SPATA13: variants seen among roughly 807,000 people sequenced by gnomAD.
The protein encoded by SPATA13 is spermatogenesis associated 13, also known as spermatogenesis-associated protein 13.
A neutral mutation model predicts 104.0 loss-of-function variants in SPATA13; 50 were observed. The observed-to-expected ratio is 0.48, with a 90% CI of 0.38 to 0.61. The LOEUF is 0.61. Ranked by LOEUF, SPATA13 falls within the 20% of genes least tolerant of loss-of-function variation. The pLI, the probability that SPATA13 is intolerant of heterozygous loss-of-function variation, is 0.00. For missense variants in SPATA13, 1,524 were observed against 1,690.6 expected, an observed-to-expected ratio of 0.90 and a Z score of 1.73; for synonymous variants, 606 against 667.5, an observed-to-expected ratio of 0.91 and a Z score of 1.42.
intron 3 of SPATA13, among the ~76,000 whole-genome samples, chr13:24,042,906 T>C (rs1877985868): frequency 6.6e-6 from 1 of 152,222 alleles, no homozygotes; most frequent in African/African-American, 2.4e-5. Context: ...CTACTGTCTG[T>C]TTAGATTTAC....
intron 1 of SPATA13, among the ~76,000 whole-genome samples, chr13:24,218,059 C>T (rs1871355774): frequency 1.3e-5 from 2 of 152,236 alleles, no homozygotes; most frequent in East Asian, 3.8e-4. Context: ...TAGCTCAGCC[C>T]TGCTGGAGGG....
chr13:24,280,983 C>G lies in SPATA13; in HGVS notation c.2165-3152C>G, dbSNP rs575481653. Among the ~76,000 whole-genome samples the G allele has an allele frequency of 2.4e-3, 372 of 152,312 alleles. 1 individual carries two copies. Among genetic ancestry groups the G allele is most frequent in the Non-Finnish European group, 2.6e-3 (177 of 68,020 alleles). ...TCTCAGACAGCACATGTCTGGCTTT[C>G]TCAAGGCCTCCAGCCACACCCCCAG... On this transcript the variant is annotated intron_variant, in intron 4 of 12. Coordinates refer to ENST00000382108, the MANE Select transcript of SPATA13 (RefSeq NM_001166271.3).
At chr13:24,020,229 T>C (rs1049831781) in intron 3 of SPATA13, among the ~76,000 whole-genome samples, 1 of 152,254 alleles carries the variant, frequency 6.6e-6, no homozygotes, top group African/African-American at 2.4e-5. Flanking sequence ...CTTAGTTCCT[T>C]GTTTTAAACT....
intron 1 of SPATA13, among the ~76,000 whole-genome samples, chr13:24,217,517 C>T (rs1871321937): frequency 1.3e-5 from 2 of 152,156 alleles, no homozygotes; most frequent in African/African-American, 2.4e-5. Context: ...AAGGCTTCTG[C>T]CTATAGAGAA....
Position 24,224,277 on chromosome 13 carries a change from G to T in SPATA13, c.1348G>T (p.Gly450Cys), listed in dbSNP as rs1252552737. ...LSKDSCDPNAGSQLTFDPEQP... is the reference protein window; with the variant it reads ...LSKDSCDPNACSQLTFDPEQP... ...CAAAGACTCCTGTGACCCAAACGCT[G>T]GCAGCCAGTTGACATTTGACCCTGA... The change falls in exon 2 of 13, where the codon GGC becomes TGC. Residue 450 changes from glycine (G) to cysteine (C), a missense_variant. Transcript: ENST00000382108. The T allele has an allele frequency of 6.4e-7, 1 of 1,551,610 alleles. No homozygotes were observed. The highest frequency in any genetic ancestry group is 1.2e-5 in the South Asian group (1 of 84,070).
Position 24,047,136 on chromosome 13 carries a change from A to T in SPATA13, c.-112+29435A>T, listed in dbSNP as rs566014337. On this transcript the variant is annotated intron_variant, in intron 3 of 14. Transcript: ENST00000424834. Reference sequence around the variant, plus strand: ...ACCTCAAGGCGGGGTCCACAGGACTAGTTGAGTCATGAGTCACGGGTCAGG... The same window carrying T: ...ACCTCAAGGCGGGGTCCACAGGACTTGTTGAGTCATGAGTCACGGGTCAGG... Among the ~76,000 whole-genome samples the T allele has an allele frequency of 2.0e-5, 3 of 152,300 alleles. No individual in the cohort carries two copies. In the South Asian group the frequency reaches 6.2e-4, roughly 32 times the overall value.
chr13:23,981,322 T>C (rs1400975678), intron 1 of SPATA13, among the ~76,000 whole-genome samples: 2 of 152,232 alleles, frequency 1.3e-5, no homozygotes, highest in East Asian at 1.9e-4. Flanking sequence ...GCAGTTTTTT[T>C]GTAGCTACAA....
At position 24,302,760 on chromosome 13, in the gene SPATA13, C is replaced by G. The variant is rs376254629; in HGVS notation, c.3821C>G (p.Pro1274Arg). The G allele has an allele frequency of 5.6e-6, 9 of 1,614,072 alleles. No homozygotes were observed. The highest frequency in any genetic ancestry group is 5.0e-5 in the Admixed American group (3 of 60,008). Residue 1274 changes from proline (P) to arginine (R), a missense_variant, in exon 13 of 13, where the codon CCC becomes CGC. Physicochemically the swap from Pro to Arg is moderately radical, Grantham distance 103. Transcript: ENST00000382108. ...TGGCACACCTTCAACAGGCTCACCC[C>G]CTTCCGGAAATGAAAACAGGAGGCT... ...LFWHTFNRLTPFRK is the reference protein window; with the variant it reads ...LFWHTFNRLTRFRK
intron 1 of SPATA13, among the ~76,000 whole-genome samples, chr13:24,185,752 G>C (rs1400973103): frequency 6.7e-6 from 1 of 149,462 alleles, no homozygotes; most frequent in Non-Finnish European, 1.5e-5. Context: ...CCCTGTGTTA[G>C]TCAGGGTTCT....
At chr13:24,296,306 G>T (rs760149798) in intron 10 of SPATA13, among the ~76,000 whole-genome samples, 1 of 152,160 alleles carries the variant, frequency 6.6e-6, no homozygotes, top group Non-Finnish European at 1.5e-5. Flanking sequence ...TTGGAGTCAG[G>T]CTCTTTTGCC....
intron 2 of SPATA13, among the ~76,000 whole-genome samples, chr13:24,226,093 A>C (rs373830605): frequency 1.3e-5 from 2 of 152,208 alleles, no homozygotes; most frequent in South Asian, 2.1e-4. Context: ...AGAATGGAGG[A>C]AGTGCATGCT....
intron 3 of SPATA13, among the ~76,000 whole-genome samples, chr13:24,057,250 A>G (rs1878597537): frequency 7.8e-6 from 1 of 128,356 alleles, no homozygotes; most frequent in Non-Finnish European, 1.7e-5. Context: ...ACCCCACAAC[A>G]GTCCCCGGAG....
chr13:24,127,313 C>T (rs1008962112), intron 3 of SPATA13, among the ~76,000 whole-genome samples: 1 of 152,152 alleles, frequency 6.6e-6, no homozygotes, highest in East Asian at 1.9e-4. Context: ...ACTGTGTGAC[C>T]TTTAGTCAAG....
At chr13:24,185,579 C>T (rs1387954552) in intron 1 of SPATA13, among the ~76,000 whole-genome samples, 1 of 151,976 alleles carries the variant, frequency 6.6e-6, no homozygotes. Context: ...ATTGATAAGT[C>T]CTTTATATGG....
At chr13:24,220,245 G>C (rs1331263621) in intron 1 of SPATA13, among the ~76,000 whole-genome samples, 2 of 152,154 alleles carry the variant, frequency 1.3e-5, no homozygotes, top group East Asian at 3.9e-4. Context: ...CCAAGGTTAG[G>C]CCGATTCCCA....
At chr13:24,215,805 T>A (rs1422278368) in intron 1 of SPATA13, among the ~76,000 whole-genome samples, 1 of 152,142 alleles carries the variant, frequency 6.6e-6, no homozygotes, top group Non-Finnish European at 1.5e-5. Context: ...TTGTTTTTGC[T>A]CCAGTGACCA....
rs552990451 is a variant in SPATA13, at chr13:24,095,723, G to A, written c.-112+78022G>A. Among the ~76,000 whole-genome samples the A allele has an allele frequency of 5.3e-5, 8 of 152,218 alleles. No homozygotes were observed. In the South Asian group the frequency reaches 1.2e-3, roughly 24 times the overall value. On this transcript the variant is annotated intron_variant, in intron 3 of 14. Transcript: ENST00000424834. ...AACAGTGGACTTGCAATCTACCCTC[G>A]TTTCCCTACAAATTTGGTTCCCTGG...
intron 7 of SPATA13, among the ~76,000 whole-genome samples, chr13:24,288,560 TTGGGTAAGAGGAATC>T (rs1404932836): frequency 1.4e-5 from 1 of 72,742 alleles, no homozygotes; most frequent in African/African-American, 4.0e-5. Context: ...GGTGGAATCC[TTGGGTAAGAGGAATC>T]CTTGCCCTGA....
At chr13:23,990,075 C>CA (rs1875341149) in intron 2 of SPATA13, among the ~76,000 whole-genome samples, 1 of 152,202 alleles carries the variant, frequency 6.6e-6, no homozygotes, top group Non-Finnish European at 1.5e-5. Flanking sequence ...CAACCAGTTC[C>CA]ACCTAAACAG....
Sources: allele counts gnomAD v4.1 joint callset (sites outside exome capture counted in the v4.1 genomes callset), GRCh38; gene constraint gnomAD v4.1.1; transcripts MANE v1.5; gene names NCBI Gene and HGNC (gene_info 2026-07-23, HGNC 2026-07-21).